Variants in PEX14 observed in about 807,000 individuals in gnomAD.
PEX14 encodes the protein peroxisomal biogenesis factor 14.
PEX14 carries 15 observed loss-of-function variants against 49.5 expected under a neutral mutation model. The ratio of observed to expected loss-of-function variants is 0.30; its 90% CI spans 0.20 to 0.47. The LOEUF (loss-of-function observed/expected upper bound fraction) is 0.47. PEX14 is among the 20% of genes least tolerant of loss of function. PEX14 has a pLI of 1.00. For synonymous variants in PEX14, 210 were observed against 212.7 expected (o/e 0.99, Z 0.11); for missense variants, 398 against 494.8 (o/e 0.80, Z 1.86).
At chr1:10,563,868 C>T (rs1031809764) in intron 3 of PEX14, among the ~76,000 whole-genome samples, 2 of 151,676 alleles carry the variant, frequency 1.3e-5, no homozygotes, top group Non-Finnish European at 2.9e-5. Context: ...GCCAACATCA[C>T]GCCACTGCAC....
chr1:10,487,118 T>C (rs949805899), intron 1 of PEX14, among the ~76,000 whole-genome samples: 1 of 152,238 alleles, frequency 6.6e-6, no homozygotes, highest in African/African-American at 2.4e-5. Flanking sequence ...TGATTGATTT[T>C]TGAAATGTTA....
intron 3 of PEX14, among the ~76,000 whole-genome samples, chr1:10,542,200 GT>G (rs1209475456): frequency 6.6e-6 from 1 of 152,198 alleles, no homozygotes; most frequent in Non-Finnish European, 1.5e-5. Context: ...TCTCATTCCT[GT>G]TCCCCACCCG....
chr1:10,482,519 C>T (rs892482828), intron 1 of PEX14, among the ~76,000 whole-genome samples: 3 of 148,944 alleles, frequency 2.0e-5, no homozygotes, highest in Admixed American at 6.7e-5. Flanking sequence ...CTGCAACCTC[C>T]GTCTCCCGGG....
At chr1:10,531,836 A>G (rs1638658712) in intron 2 of PEX14, among the ~76,000 whole-genome samples, 1 of 152,130 alleles carries the variant, frequency 6.6e-6, no homozygotes, top group African/African-American at 2.4e-5. Flanking sequence ...CTCAAACCCC[A>G]GGTTCATTAT....
chr1:10,607,512 T>G (rs1641160716), intron 4 of PEX14, among the ~76,000 whole-genome samples: 1 of 152,238 alleles, frequency 6.6e-6, no homozygotes. Context: ...ACCAGCAATG[T>G]TTGAGAGTTC....
chr1:10,578,208 G>A (rs1640208188), intron 3 of PEX14, among the ~76,000 whole-genome samples: 2 of 152,190 alleles, frequency 1.3e-5, no homozygotes, highest in African/African-American at 2.4e-5. Flanking sequence ...CACAGGGGAA[G>A]TGCCACAGAT....
chr1:10,519,022 C>T (rs991268710), intron 2 of PEX14, among the ~76,000 whole-genome samples: 30 of 152,090 alleles, frequency 2.0e-4, no homozygotes, highest in Admixed American at 2.0e-4. Context: ...CAAAAGGAGT[C>T]GAGCCAAACT....
intron 3 of PEX14, among the ~76,000 whole-genome samples, chr1:10,566,148 A>G (rs1639798211): frequency 6.6e-6 from 1 of 152,108 alleles, no homozygotes; most frequent in African/African-American, 2.4e-5. Context: ...TTTGTTTTTC[A>G]GTTGTTCTCA....
intron 3 of PEX14, among the ~76,000 whole-genome samples, chr1:10,570,589 C>G (rs576616918): frequency 6.6e-6 from 1 of 152,304 alleles, no homozygotes; most frequent in Admixed American, 6.5e-5. Flanking sequence ...GCCTCAGCCT[C>G]TCAAAGTGCT....
chr1:10,581,381 A>T (rs2124570002), intron 3 of PEX14, among the ~76,000 whole-genome samples: 2 of 143,204 alleles, frequency 1.4e-5, no homozygotes, highest in South Asian at 4.3e-4. Context: ...ATCTCGGCTC[A>T]CTGCAACCTG....
chr1:10,594,981 A>G (rs2124595297), intron 3 of PEX14, among the ~76,000 whole-genome samples: 1 of 152,274 alleles, frequency 6.6e-6, no homozygotes, highest in South Asian at 2.1e-4. Context: ...ACACTGCAGC[A>G]GTGACACTGG....
chr1:10,627,148 C>A, intron 7 of PEX14, 124 bp from the exon 8 acceptor site: 2 of 761,214 alleles, frequency 2.6e-6, no homozygotes, highest in Non-Finnish European at 4.9e-6. Flanking sequence ...GAACCTTCCC[C>A]CGGGTTCCCC....
chr1:10,477,847 A>T (rs1439185817), intron 1 of PEX14, among the ~76,000 whole-genome samples: 2 of 152,148 alleles, frequency 1.3e-5, no homozygotes, highest in South Asian at 2.1e-4. Flanking sequence ...AAATACTAGG[A>T]CCTATCTCAC....
chr1:10,504,282 C>T (rs1262697103), intron 2 of PEX14, among the ~76,000 whole-genome samples: 1 of 152,188 alleles, frequency 6.6e-6, no homozygotes, highest in Non-Finnish European at 1.5e-5. Flanking sequence ...CAAATCTTCT[C>T]TCTGCCATTA....
intron 3 of PEX14, among the ~76,000 whole-genome samples, chr1:10,580,015 T>C (rs1640266256): frequency 6.6e-6 from 1 of 151,938 alleles, no homozygotes; most frequent in South Asian, 2.1e-4. Context: ...ATTTGGGTCT[T>C]CAGGAAGGGA....
intron 3 of PEX14, among the ~76,000 whole-genome samples, chr1:10,561,701 A>G (rs1057266808): frequency 1.3e-5 from 2 of 152,224 alleles, no homozygotes; most frequent in African/African-American, 4.8e-5. Context: ...GTTACTCAAC[A>G]GCCTTTCATT....
At chr1:10,547,345 C>T (rs1054089405) in intron 3 of PEX14, among the ~76,000 whole-genome samples, 1 of 152,204 alleles carries the variant, frequency 6.6e-6, no homozygotes, top group African/African-American at 2.4e-5. Flanking sequence ...CTCATTTCCA[C>T]TTTCCAAATT....
intron 3 of PEX14, among the ~76,000 whole-genome samples, chr1:10,586,285 C>G (rs1376235418): frequency 6.6e-6 from 1 of 152,128 alleles, no homozygotes; most frequent in Non-Finnish European, 1.5e-5. Flanking sequence ...TTCACACCCA[C>G]CAGAATGACT....
chr1:10,555,674 C>A (rs1355492510), intron 3 of PEX14, among the ~76,000 whole-genome samples: 3 of 113,952 alleles, frequency 2.6e-5, no homozygotes, highest in Non-Finnish European at 4.0e-5. Context: ...TGTGCATGCA[C>A]CCGTGAGGGT....
Sources: gnomAD v4.1 joint callset for allele counts (sites outside exome capture counted in the v4.1 genomes callset) on GRCh38, gnomAD v4.1.1 for gene constraint, MANE v1.5 for transcripts, NCBI Gene and HGNC (gene_info 2026-07-23, HGNC 2026-07-21) for gene names.